Variants in TENM1 observed in about 807,000 individuals in gnomAD.
The protein encoded by TENM1 is teneurin transmembrane protein 1.
Under a neutral mutation model 174.8 loss-of-function variants are expected in TENM1, and 35 were observed. The observed-to-expected ratio is 0.20, with a 90% CI of 0.15 to 0.27. TENM1 has a LOEUF of 0.27. TENM1 is among the 10% of genes least tolerant of loss of function. The pLI is 1.00. For missense variants in TENM1, 1,633 were observed against 2,130.1 expected (o/e 0.77, Z 4.59); for synonymous variants, 781 against 798.7 (o/e 0.98, Z 0.37).
At chrX:124,503,464 T>A in intron 19 of TENM1, 96 bp downstream of exon 22, 1 of 796,423 alleles carries the variant, frequency 1.3e-6, no homozygotes, top group Non-Finnish European at 1.8e-6. Context: ...TTCTCACAAG[T>A]AATTTTTATC....
chrX:125,142,122 G>T, the TENM1 span, among the ~76,000 whole-genome samples: 1 of 111,765 alleles, frequency 8.9e-6, no homozygotes, highest in Non-Finnish European at 1.9e-5. Flanking sequence ...TAAGAGGCTG[G>T]GCTATGCAAC....
chrX:124,663,764 T>C (rs1199666575), intron 6 of TENM1, among the ~76,000 whole-genome samples: 3 of 110,016 alleles, frequency 2.7e-5, no homozygotes, highest in Admixed American at 1.9e-4. Context: ...TTTTTTTTTT[T>C]TTTTAAGTAA....
At chrX:124,958,015 C>T (rs1447142738) in intron 1 of TENM1, among the ~76,000 whole-genome samples, 1 of 111,201 alleles carries the variant, frequency 9.0e-6, no homozygotes, top group Non-Finnish European at 1.9e-5. Context: ...TTGATGCCTC[C>T]CTTGGATGTG....
chrX:124,587,962 G>T (rs1277836667), intron 11 of TENM1, among the ~76,000 whole-genome samples: 1 of 112,180 alleles, frequency 8.9e-6, no homozygotes, highest in East Asian at 2.8e-4. Context: ...CTGGCTATCA[G>T]AGAAATGCAA....
At chrX:124,870,978 T>C (rs755851014) in intron 3 of TENM1, among the ~76,000 whole-genome samples, 1 of 111,846 alleles carries the variant, frequency 8.9e-6, no homozygotes, top group Non-Finnish European at 1.9e-5. Context: ...CTCAAATCTT[T>C]ATCTTTTTTT....
At chrX:124,751,941 G>A (rs903057489) in intron 3 of TENM1, among the ~76,000 whole-genome samples, 11 of 110,276 alleles carry the variant, frequency 1.0e-4, no homozygotes, top group East Asian at 2.9e-4. Context: ...TAATAGTGCC[G>A]CAATAAACAT....
At chrX:124,982,434 A>C in the TENM1 span, among the ~76,000 whole-genome samples, 1 of 111,294 alleles carries the variant, frequency 9.0e-6, no homozygotes, top group African/African-American at 3.3e-5. Flanking sequence ...AGCCCAAAAG[A>C]TCTAATCTTC....
chrX:125,057,398 C>T, the TENM1 span, among the ~76,000 whole-genome samples: 1 of 109,455 alleles, frequency 9.1e-6, no homozygotes, highest in Admixed American at 9.9e-5. Context: ...GTATTACTTT[C>T]ATAATAACAA....
intron 5 of TENM1, among the ~76,000 whole-genome samples, chrX:124,685,089 C>A (rs1435890459): frequency 9.1e-6 from 1 of 110,175 alleles, no homozygotes; most frequent in Non-Finnish European, 1.9e-5. Context: ...CCACAGGAAT[C>A]ATGAATAATC....
At chrX:124,758,605 T>C (rs929316609) in intron 3 of TENM1, among the ~76,000 whole-genome samples, 2 of 111,824 alleles carry the variant, frequency 1.8e-5, no homozygotes, top group Non-Finnish European at 3.8e-5. Context: ...ATTGTATTAC[T>C]CAGGACAGCC....
chrX:124,862,343 T>C (rs1250288511), intron 3 of TENM1, among the ~76,000 whole-genome samples: 1 of 111,689 alleles, frequency 9.0e-6, no homozygotes, highest in Non-Finnish European at 1.9e-5. Flanking sequence ...AACTTCATAT[T>C]GCTGAAAGCG....
chrX:124,493,694 C>G (rs1018913086), intron 20 of TENM1, among the ~76,000 whole-genome samples: 2 of 111,223 alleles, frequency 1.8e-5, no homozygotes, highest in African/African-American at 6.5e-5. Context: ...ATACAAGCAA[C>G]CATCTTGGCC....
chrX:124,573,106 A>G (rs906211188), intron 11 of TENM1, among the ~76,000 whole-genome samples: 5 of 111,592 alleles, frequency 4.5e-5, no homozygotes, highest in African/African-American at 1.6e-4. Flanking sequence ...CTAAATATCC[A>G]TCAATGGGAA....
chrX:124,685,561 G>GTTTTTTTTTTTTTTTTT (rs201481902), intron 5 of TENM1, among the ~76,000 whole-genome samples: 2 of 94,483 alleles, frequency 2.1e-5, no homozygotes, highest in Non-Finnish European at 4.2e-5. Flanking sequence ...AAGCAAATCT[G>GTTTTTTTTTTTTTTTTT]TTTTTTTTTT....
At chrX:125,189,304 C>T in the TENM1 span, among the ~76,000 whole-genome samples, 1 of 111,989 alleles carries the variant, frequency 8.9e-6, no homozygotes, top group Non-Finnish European at 1.9e-5. Flanking sequence ...CTATTCCACT[C>T]AAGAATTCAT....
chrX:124,923,568 G>A (rs1251068060), intron 1 of TENM1, among the ~76,000 whole-genome samples: 1 of 111,928 alleles, frequency 8.9e-6, no homozygotes, highest in Non-Finnish European at 1.9e-5. Flanking sequence ...ATACAAATAT[G>A]TTAGGTTACA....
chrX:125,158,129 G>T, the TENM1 span, among the ~76,000 whole-genome samples: 1 of 110,751 alleles, frequency 9.0e-6, no homozygotes, highest in South Asian at 3.9e-4. Context: ...ACATGGCCAG[G>T]TGTAGTGCTG....
At chrX:124,530,825 C>T in intron 15 of TENM1, among the ~76,000 whole-genome samples, 1 of 112,288 alleles carries the variant, frequency 8.9e-6, no homozygotes, top group Non-Finnish European at 1.9e-5. Flanking sequence ...AAACTAGTCC[C>T]TAAATAGGGC....
chrX:124,806,948 C>T (rs2055616877), intron 3 of TENM1, among the ~76,000 whole-genome samples: 1 of 111,766 alleles, frequency 8.9e-6, no homozygotes, highest in South Asian at 3.7e-4. Flanking sequence ...TTACTTGGCT[C>T]ATGGTTCTGC....
Sources: gnomAD v4.1 joint callset for allele counts (sites outside exome capture counted in the v4.1 genomes callset) on GRCh38, gnomAD v4.1.1 for gene constraint, MANE v1.5 for transcripts, NCBI Gene and HGNC (gene_info 2026-07-23, HGNC 2026-07-21) for gene names.